Variants in TMEM184A observed in about 807,000 individuals in gnomAD.
The protein encoded by TMEM184A is sexually dimorphic, expressed in male gonads 1.
TMEM184A carries 40 observed loss-of-function variants against 39.5 expected under a neutral mutation model. That is an observed-to-expected ratio of 1.01 (90% CI 0.79 to 1.32). The LOEUF is 1.32. TMEM184A is among the 40% of genes most tolerant of loss of function. The probability of loss-of-function intolerance (pLI) is 0.00; values close to 1 mark genes in which losing one functional copy is unlikely to be tolerated. For synonymous variants in TMEM184A, 280 were observed against 252.3 expected (o/e 1.11, Z -1.04); for missense variants, 603 against 568.8 (o/e 1.06, Z -0.61).
At chr7:1,552,013 C>G (rs1204079867) in intron 2 of TMEM184A, among the ~76,000 whole-genome samples, 1 of 151,706 alleles carries the variant, frequency 6.6e-6, no homozygotes, top group Non-Finnish European at 1.5e-5. Context: ...GGGTCTCGCT[C>G]TGTCGCCCAG....
chr7:1,550,095 G>A (rs1784527810), intron 5 of TMEM184A, 28 bp downstream of exon 5: 1 of 1,588,042 alleles, frequency 6.3e-7, no homozygotes, highest in Non-Finnish European at 8.6e-7. Flanking sequence ...GGTGGGAGGA[G>A]GGCGGGCAGG....
chr7:1,555,460 C>T lies in TMEM184A; in HGVS notation c.25G>A (p.Glu9Lys), dbSNP rs576605241. 62 of 1,608,392 alleles carry T rather than the reference C, an allele frequency of 3.9e-5. No homozygotes were observed. In the East Asian group the frequency reaches 1.3e-3, roughly 35 times the overall value. MSNVSGIL[E>K]TAGVPLVSAN... ...GACACCAGGGGGACGCCGGCTGTCT[C>T]CAGGATCCCTGAGACATTACTCATC... The change falls in exon 2 of 9, where the codon GAG becomes AAG. Residue 9 changes from glutamate (E) to lysine (K), a missense_variant. By Grantham distance (56) the Glu-to-Lys change is moderately conservative. Coordinates refer to ENST00000297477, the MANE Select transcript of TMEM184A (RefSeq NM_001097620.2). The surrounding 1 kb of genome is among the most constrained non-coding windows in gnomAD (Gnocchi z 5.2).
At chr7:1,550,707 G>A in intron 3 of TMEM184A, 110 bp downstream of exon 3, 2 of 1,385,286 alleles carry the variant, frequency 1.4e-6, no homozygotes, top group Non-Finnish European at 2.0e-6. Context: ...CCTCTGACGG[G>A]CCGGGAGAGT....
rs1000278337 is a variant in TMEM184A at position 1,555,673 on chromosome 7, C to T, written c.1-189G>A. 1.7e-5 allele frequency: 11 copies of T among 633,138 alleles called. No individual in the cohort carries two copies. Among genetic ancestry groups the T allele is most frequent in the African/African-American group, 1.5e-4 (8 of 53,890 alleles). 39.2% of individuals were successfully genotyped at this position (633,138 alleles called of 1,614,324 possible). ...CCCTCCCTGCTCCGAGCTCAGCCATCGAAGCTCACCCATCAACCACCTGCG... is the reference window on the plus strand; with the variant it reads ...CCCTCCCTGCTCCGAGCTCAGCCATTGAAGCTCACCCATCAACCACCTGCG... On this transcript the variant is annotated intron_variant, in intron 1 of 8. Coordinates refer to ENST00000297477, the MANE Select transcript of TMEM184A (RefSeq NM_001097620.2). This position sits in a 1 kb window ranked among gnomAD's most constrained non-coding sequence, Gnocchi z 5.2.
chr7:1,550,220 C>T (rs779838895), intron 4 of TMEM184A, 22 bp from the exon 5 acceptor site: 43 of 1,605,160 alleles, frequency 2.7e-5, no homozygotes, highest in Middle Eastern at 3.3e-4. Context: ...GTCCCTGAGC[C>T]GGTGCGGGAG....
intron 2 of TMEM184A, among the ~76,000 whole-genome samples, chr7:1,552,150 G>A (rs1191840708): frequency 1.3e-5 from 2 of 151,936 alleles, no homozygotes; most frequent in Non-Finnish European, 2.9e-5. Context: ...GCTAATTTTT[G>A]TATTTTTTGT....
At position 1,547,957 on chromosome 7, in the gene TMEM184A, G is replaced by T. The variant is rs375586329; in HGVS notation, c.815-18C>A. Reference sequence around the variant, plus strand: ...CAGCAGCCCTGCGGACGCCACGGCCGCTCAGCCCCAGCCCCAGACGGGGTC... The same window carrying T: ...CAGCAGCCCTGCGGACGCCACGGCCTCTCAGCCCCAGCCCCAGACGGGGTC... On this transcript the variant is annotated intron_variant, in intron 7 of 8. Coordinates refer to ENST00000297477, the MANE Select transcript of TMEM184A (RefSeq NM_001097620.2). The T allele has an allele frequency of 7.3e-5, 113 of 1,551,040 alleles. No individual in the cohort carries two copies. Among genetic ancestry groups the T allele is most frequent in the Non-Finnish European group, 9.5e-5 (109 of 1,149,742 alleles).
intron 2 of TMEM184A, among the ~76,000 whole-genome samples, chr7:1,551,488 G>T (rs1334473556): frequency 6.6e-6 from 1 of 152,200 alleles, no homozygotes; most frequent in African/African-American, 2.4e-5. Flanking sequence ...TCTACAATGG[G>T]CATCCTTATT....
rs756813326 is a variant in TMEM184A, at chr7:1,546,947, C to A, written c.*5G>T. 1 of 1,544,290 alleles carries A rather than the reference C, an allele frequency of 6.5e-7. No individual in the cohort carries two copies. Among genetic ancestry groups the A allele is most frequent in the Admixed American group, 1.9e-5 (1 of 51,498 alleles). Reference sequence around the variant, plus strand: ...GTCCCTACAGCACTGGCAGCCCAGGCCCCCCTACAGGTCCTCCGAGGGGAT... The same window carrying A: ...GTCCCTACAGCACTGGCAGCCCAGGACCCCCTACAGGTCCTCCGAGGGGAT... On this transcript the variant is annotated 3_prime_UTR_variant, in exon 9 of 9. Transcript: ENST00000297477.
chr7:1,547,567 C>T (rs1001582978), intron 8 of TMEM184A, among the ~76,000 whole-genome samples, 175 bp downstream of exon 8: 9 of 152,188 alleles, frequency 5.9e-5, no homozygotes, highest in South Asian at 4.1e-4. Context: ...CATTGGGGTC[C>T]GGGACCGCCT....
rs1431014613 is a variant in TMEM184A, at chr7:1,547,023, C to T, written c.1171G>A (p.Gly391Ser). ...EAPRPGTHPS[G>S]GSGGSRKSRS... Reference sequence around the variant, plus strand: ...CTCTTCCTGCTCCCGCCGGAGCCGCCGCTGGGGTGGGTGCCGGGCCTGGGC... The same window carrying T: ...CTCTTCCTGCTCCCGCCGGAGCCGCTGCTGGGGTGGGTGCCGGGCCTGGGC... The change falls in exon 9 of 9, where the codon GGC (glycine) becomes AGC (serine). Residue 391 changes from glycine to serine, a missense_variant. Gly to Ser is a moderately conservative substitution (Grantham distance 56). Coordinates refer to ENST00000297477, the MANE Select transcript of TMEM184A (RefSeq NM_001097620.2). 4 of 1,604,394 alleles carry T rather than the reference C, an allele frequency of 2.5e-6. No homozygotes were observed. Among genetic ancestry groups the T allele is most frequent in the Non-Finnish European group, 3.4e-6 (4 of 1,178,666 alleles).
chr7:1,552,258 A>G (rs4461805), intron 2 of TMEM184A, among the ~76,000 whole-genome samples: 90,756 of 151,912 alleles, frequency 0.6, 27,273 homozygotes, highest in East Asian at 0.68. Flanking sequence ...GACTATAGTC[A>G]TGAGCCACTG....
chr7:1,547,086 CG>C lies in TMEM184A; in HGVS notation c.1107del (p.Ala370ProfsTer38). On this transcript the variant is annotated frameshift_variant, in exon 9 of 9. Coordinates refer to ENST00000297477, the MANE Select transcript of TMEM184A (RefSeq NM_001097620.2). LOFTEE classifies it low-confidence loss of function (END_TRUNC). ...IVQDAIHNFS[P>X]AYQHYTQQAT... ...GCCTGCTGCGTGTAGTGCTGGTAGG[CG>C]GGGGAGAAGTTGTGGATGGCGTCCT... 6.2e-7 allele frequency: 1 copy of C among 1,610,232 alleles called. No individual in the cohort carries two copies.
Position 1,548,530 on chromosome 7 carries a change from G to T in TMEM184A, c.803C>A (p.Ser268Ter). The change falls in exon 7 of 9, where the codon TCG becomes TAG. Residue 268 changes from serine (S) to a stop codon, truncating the protein, a stop_gained. Coordinates refer to ENST00000297477, the MANE Select transcript of TMEM184A (RefSeq NM_001097620.2). LOFTEE classifies it high-confidence loss of function. ...FLTIKAVIFLSFWQGLLLAIL... is the reference protein window; with the variant it reads ...FLTIKAVIFL ...CCTGCCCCACACACCTTGCCAGAAC[G>T]ACAGGAAGATGACGGCTTTGATGGT... 6.2e-7 allele frequency: 1 copy of T among 1,612,944 alleles called. No homozygotes were observed.
At chr7:1,550,259 T>C in intron 4 of TMEM184A, 46 bp downstream of exon 4, 1 of 1,608,946 alleles carries the variant, frequency 6.2e-7, no homozygotes. Flanking sequence ...CCGGGCTCCC[T>C]GTCCCAGGTG....
intron 6 of TMEM184A, chr7:1,549,186 G>T: frequency 2.2e-6 from 1 of 457,660 alleles, no homozygotes; most frequent in Non-Finnish European, 4.4e-6. Flanking sequence ...GTGTGGTGGT[G>T]TGTGCACGGT....
Position 1,548,523 on chromosome 7 carries a change from C to T in TMEM184A, c.810G>A (p.Trp270Ter). 6.2e-7 allele frequency: 1 copy of T among 1,611,806 alleles called. No homozygotes were observed. The highest frequency in any genetic ancestry group is 8.5e-7 in the Non-Finnish European group (1 of 1,179,010). The change falls in exon 7 of 9, where the codon TGG becomes TGA. Residue 270 changes from tryptophan (W) to a stop codon, truncating the protein, a stop_gained. Transcript: ENST00000297477. LOFTEE classifies it high-confidence loss of function. ...TIKAVIFLSF[W>*]QGLLLAILER... ...TGCCCCACCTGCCCCACACACCTTG[C>T]CAGAACGACAGGAAGATGACGGCTT... is the stretch of plus-strand genomic sequence containing the variant.
At position 1,546,843 on chromosome 7, in the gene TMEM184A, T is replaced by G. The variant is rs1288349886; in HGVS notation, c.*109A>C. ...GGCTCCGAGGGCCTCACAGGTGGGC[T>G]CTCAGGAGAGGCCCCACCTTTGGCA... On this transcript the variant is annotated 3_prime_UTR_variant, in exon 9 of 9. Transcript: ENST00000297477. 1.9e-5 allele frequency: 14 copies of G among 736,430 alleles called. No homozygotes were observed. In the East Asian group the frequency reaches 3.7e-4, roughly 20 times the overall value. 45.6% of individuals were successfully genotyped at this position (736,430 alleles called of 1,614,324 possible).
Position 1,548,518 on chromosome 7 carries a change from C to A in TMEM184A, c.814+1G>T. 1 of 1,611,256 alleles carries A rather than the reference C, an allele frequency of 6.2e-7. No individual in the cohort carries two copies. Among genetic ancestry groups the A allele is most frequent in the Non-Finnish European group, 8.5e-7 (1 of 1,178,784 alleles). The stretch of plus-strand genomic sequence containing the variant: ...ACCCCTGCCCCACCTGCCCCACACA[C>A]CTTGCCAGAACGACAGGAAGATGAC... On this transcript the variant is annotated splice_donor_variant, in intron 7 of 8. Coordinates refer to ENST00000297477, the MANE Select transcript of TMEM184A (RefSeq NM_001097620.2). LOFTEE classifies it high-confidence loss of function.
Sources: gnomAD v4.1 joint callset for allele counts (sites outside exome capture counted in the v4.1 genomes callset) on GRCh38, gnomAD v4.1.1 for gene constraint, Gnocchi (gnomAD v3.1) non-coding constraint, MANE v1.5 for transcripts, NCBI Gene and HGNC (gene_info 2026-07-23, HGNC 2026-07-21) for gene names.